Variants in PRKAR1A observed in about 807,000 individuals in gnomAD.
PRKAR1A encodes cAMP-dependent protein kinase type I-alpha regulatory subunit.
PRKAR1A carries 3 observed loss-of-function variants against 52.0 expected under a neutral mutation model. The observed-to-expected ratio is 0.06, with a 90% CI of 0.03 to 0.15. PRKAR1A has a LOEUF of 0.15. Among genes scored for constraint, PRKAR1A ranks in the 10% least tolerant of loss-of-function variants. The pLI is 1.00. For missense variants in PRKAR1A, 240 were observed against 477.4 expected, an observed-to-expected ratio of 0.50 and a Z score of 4.63; for synonymous variants, 188 against 168.4, an observed-to-expected ratio of 1.12 and a Z score of -0.90.
chr17:68,536,148 C>T (rs1251610939), downstream of PRKAR1A: 1 of 454,002 alleles, frequency 2.2e-6, no homozygotes, highest in African/African-American at 2.0e-5. Context: ...GTTATTTGTC[C>T]AGTCGAGGCT....
intron 2 of PRKAR1A, among the ~76,000 whole-genome samples, chr17:68,521,326 C>CA (rs1212091663): frequency 6.6e-6 from 1 of 152,098 alleles, no homozygotes; most frequent in Non-Finnish European, 1.5e-5. Flanking sequence ...ACCTTCCAGG[C>CA]TCAGGTGATC....
At chr17:68,520,603 A>G (rs1482946864) in intron 2 of PRKAR1A, among the ~76,000 whole-genome samples, 1 of 152,232 alleles carries the variant, frequency 6.6e-6, no homozygotes, top group Non-Finnish European at 1.5e-5. Context: ...GGAGACTGAC[A>G]GAAGGATGAC....
chr17:68,485,214 A>G, the PRKAR1A span, among the ~76,000 whole-genome samples: 2 of 152,218 alleles, frequency 1.3e-5, no homozygotes, highest in Admixed American at 1.3e-4. Flanking sequence ...ATTGAAGGTA[A>G]GCTCAAGACA....
At chr17:68,435,592 A>G in the PRKAR1A span, 1 of 1,610,182 alleles carries the variant, frequency 6.2e-7, no homozygotes, top group African/African-American at 1.3e-5. Flanking sequence ...CGAAACCCAG[A>G]CAGAGGTGTT....
chr17:68,489,234 AGTATAT>A, the PRKAR1A span, among the ~76,000 whole-genome samples: 1 of 20,590 alleles, frequency 4.9e-5, no homozygotes, highest in Non-Finnish European at 7.9e-5. Context: ...ATATATGGAA[AGTATAT>A]ATATATATAT....
chr17:68,442,811 G>T, the PRKAR1A span, among the ~76,000 whole-genome samples: 2 of 152,190 alleles, frequency 1.3e-5, no homozygotes, highest in African/African-American at 4.8e-5. Flanking sequence ...AAAGGCTGCT[G>T]GCGCACCTGT....
downstream of PRKAR1A, chr17:68,537,845 C>T (rs959151816): frequency 6.2e-5 from 80 of 1,300,534 alleles, no homozygotes; most frequent in Non-Finnish European, 6.6e-5. This position sits in a 1 kb window ranked among gnomAD's most constrained non-coding sequence, Gnocchi z 4.2. Context: ...ACTCTTGGCG[C>T]CTCTCCTTGT....
chr17:68,416,804 A>G, the PRKAR1A span, among the ~76,000 whole-genome samples: 6 of 152,042 alleles, frequency 3.9e-5, no homozygotes, highest in Admixed American at 6.6e-5. Context: ...AGTATGTCCA[A>G]TGTTTCCTGA....
In PRKAR1A at chr17:68,540,907, G is replaced by A. The variant is rs980365295; in HGVS notation, c.974-10177G>A. ...CATTGAGGAGCCGCTGGCTGTTGTT[G>A]TACGGGTAGATCTGTTTCACTGTGT... On this transcript the variant is annotated intron_variant, in intron 11 of 11. Transcript: ENST00000585981. The A allele has an allele frequency of 8.1e-6, 13 of 1,604,542 alleles. No homozygotes were observed. The highest frequency in any genetic ancestry group is 1.1e-5 in the South Asian group (1 of 89,386).
chr17:68,466,631 C>G, the PRKAR1A span, among the ~76,000 whole-genome samples: 1 of 151,874 alleles, frequency 6.6e-6, no homozygotes, highest in African/African-American at 2.4e-5. Context: ...AGGCTTCTCT[C>G]TATCTCCTGG....
Position 68,547,783 on chromosome 17 carries a change from T to C in PRKAR1A, c.974-3301T>C, listed in dbSNP as rs551726640. Among the ~76,000 whole-genome samples the C allele has an allele frequency of 7.9e-5, 12 of 152,374 alleles. No homozygotes were observed. The South Asian group carries it at 1.7e-3, about 21-fold the overall frequency. On this transcript the variant is annotated intron_variant, in intron 11 of 11. Transcript: ENST00000585981. ...CAGCAGTGAGGCTGTTTTGCTTTCT[T>C]ATCATTCGTGTTTAGTGGAGCAGCG... is the stretch of plus-strand genomic sequence containing the variant.
chr17:68,515,085 T>C, intron 1 of PRKAR1A: 1 of 379,046 alleles, frequency 2.6e-6, no homozygotes, highest in Non-Finnish European at 4.9e-6. Flanking sequence ...TGAAATTCCC[T>C]TAAGGGCCTG....
downstream of PRKAR1A, chr17:68,537,814 C>T (rs987829743): frequency 2.0e-6 from 3 of 1,509,338 alleles, no homozygotes; most frequent in African/African-American, 1.4e-5. This position sits in a 1 kb window ranked among gnomAD's most constrained non-coding sequence, Gnocchi z 4.2. Context: ...TCTTTCCCCA[C>T]AAACAGCTGT....
the PRKAR1A span, among the ~76,000 whole-genome samples, chr17:68,424,099 G>T: frequency 6.6e-6 from 1 of 152,172 alleles, no homozygotes; most frequent in Non-Finnish European, 1.5e-5. Context: ...TTTAAGGCCA[G>T]TTGGGGCCAT....
At position 68,529,794 on chromosome 17, in the gene PRKAR1A, A is replaced by C. The variant is rs79109160; in HGVS notation, c.892-126A>C. 1,318 of 934,888 alleles carry C rather than the reference A, an allele frequency of 1.4e-3. 13 individuals carry two copies. The African/African-American group carries it at 0.019, about 14-fold the overall frequency. 57.9% of individuals were successfully genotyped at this position (934,888 alleles called of 1,614,324 possible). A position where few individuals can be genotyped will look rare whatever the true frequency, so the allele number is the denominator to read the frequency against. On this transcript the variant is annotated intron_variant, in intron 9 of 10. Coordinates refer to ENST00000589228, the MANE Select transcript of PRKAR1A (RefSeq NM_002734.5). ...GAAATTGAAGCTCATGTGGTGACTAACTTTAAAGTCATTTTTTATCATATG... is the reference window on the plus strand; with the variant it reads ...GAAATTGAAGCTCATGTGGTGACTACCTTTAAAGTCATTTTTTATCATATG...
At chr17:68,525,010 A>C in intron 6 of PRKAR1A, 52 bp downstream of exon 6, 2 of 1,404,624 alleles carry the variant, frequency 1.4e-6, no homozygotes, top group Non-Finnish European at 2.0e-6. Context: ...CAATGTATTG[A>C]TCGCTTCCGA....
At chr17:68,428,757 C>T in the PRKAR1A span, 88 of 1,204,044 alleles carry the variant, frequency 7.3e-5, no homozygotes, top group Non-Finnish European at 9.7e-5. Context: ...TGAAGCTTGT[C>T]GTTCTTGGCG....
chr17:68,502,321 T>C, the PRKAR1A span, among the ~76,000 whole-genome samples: 2,786 of 152,150 alleles, frequency 0.018, 104 homozygotes, highest in African/African-American at 0.063. Flanking sequence ...GCATAAATGC[T>C]AAGAAATTTT....
the PRKAR1A span, chr17:68,435,690 G>A: frequency 4.3e-6 from 7 of 1,614,222 alleles, no homozygotes; most frequent in Non-Finnish European, 5.9e-6. Flanking sequence ...TCCCTCATGG[G>A]CAGCAATAGT....
Sources: allele counts gnomAD v4.1 joint callset (sites outside exome capture counted in the v4.1 genomes callset), GRCh38; gene constraint gnomAD v4.1.1; non-coding constraint Gnocchi (gnomAD v3.1); transcripts MANE v1.5; gene names NCBI Gene and HGNC (gene_info 2026-07-23, HGNC 2026-07-21).